The following ZC3H12B variants were observed in gnomAD, a reference collection of about 807,000 sequenced individuals.
ZC3H12B encodes the protein probable ribonuclease ZC3H12B.
In ZC3H12B, 7 loss-of-function variants were observed where a neutral mutation model predicts 43.9. The ratio of observed to expected loss-of-function variants is 0.16; its 90% CI spans 0.09 to 0.30. The LOEUF (loss-of-function observed/expected upper bound fraction) is 0.30. ZC3H12B is among the 10% of genes least tolerant of loss of function. The pLI is 1.00. For synonymous variants in ZC3H12B, 222 were observed against 241.7 expected, an observed-to-expected ratio of 0.92 and a Z score of 0.76; for missense variants, 475 against 670.2, an observed-to-expected ratio of 0.71 and a Z score of 3.22.
the ZC3H12B span, among the ~76,000 whole-genome samples, chrX:65,266,498 C>T: frequency 1.8e-5 from 2 of 111,954 alleles, no homozygotes; most frequent in Non-Finnish European, 3.8e-5. Context: ...CCATCAGAAT[C>T]AACTTTTGCA....
chrX:65,285,156 T>C, the ZC3H12B span, among the ~76,000 whole-genome samples: 2 of 110,252 alleles, frequency 1.8e-5, no homozygotes, highest in Non-Finnish European at 3.8e-5. Flanking sequence ...GGGAGACAGG[T>C]GGTGTTTGGT....
chrX:65,057,620 A>G, the ZC3H12B span, among the ~76,000 whole-genome samples: 1 of 111,209 alleles, frequency 9.0e-6, no homozygotes, highest in African/African-American at 3.3e-5. Context: ...CTGAATTTGA[A>G]TGTTGGCCTG....
At chrX:65,378,003 G>A (rs1330264012) in intron 2 of ZC3H12B, among the ~76,000 whole-genome samples, 1 of 110,745 alleles carries the variant, frequency 9.0e-6, no homozygotes, top group Non-Finnish European at 1.9e-5. Context: ...GGAGACTGAG[G>A]CAGGAGAATG....
At chrX:65,231,864 A>G in the ZC3H12B span, among the ~76,000 whole-genome samples, 2 of 111,753 alleles carry the variant, frequency 1.8e-5, no homozygotes, top group South Asian at 7.5e-4. Flanking sequence ...AAAAATTTGT[A>G]CAGTTAACGC....
chrX:65,217,888 A>G, the ZC3H12B span, among the ~76,000 whole-genome samples: 1 of 111,812 alleles, frequency 8.9e-6, no homozygotes, highest in African/African-American at 3.3e-5. Flanking sequence ...ACTTTATTCA[A>G]ATAAATAATA....
the ZC3H12B span, among the ~76,000 whole-genome samples, chrX:65,308,040 G>A: frequency 1.1e-4 from 12 of 111,074 alleles, no homozygotes; most frequent in Non-Finnish European, 1.9e-5. Flanking sequence ...TCAAACAAAC[G>A]CTGTGGAAAT....
intron 3 of ZC3H12B, among the ~76,000 whole-genome samples, chrX:65,455,716 G>A (rs989037537): frequency 9.0e-6 from 1 of 111,587 alleles, no homozygotes; most frequent in Non-Finnish European, 1.9e-5. Flanking sequence ...AATATTAAGG[G>A]CAGCCAGAGA....
the ZC3H12B span, among the ~76,000 whole-genome samples, chrX:65,212,741 A>G: frequency 1.0e-5 from 1 of 95,358 alleles, no homozygotes; most frequent in African/African-American, 3.8e-5. Context: ...AAATATATAT[A>G]TATGTTTCTC....
At chrX:65,451,372 A>T (rs2148150269) in intron 3 of ZC3H12B, among the ~76,000 whole-genome samples, 1 of 111,259 alleles carries the variant, frequency 9.0e-6, no homozygotes, top group South Asian at 3.7e-4. Flanking sequence ...CTTTTAAGTG[A>T]TTGCTTTGAA....
At chrX:65,410,435 A>C (rs1409617644) in intron 3 of ZC3H12B, among the ~76,000 whole-genome samples, 1 of 111,965 alleles carries the variant, frequency 8.9e-6, no homozygotes, top group Non-Finnish European at 1.9e-5. Flanking sequence ...TCCCTTAAGC[A>C]CAGGCAACCA....
chrX:65,330,456 T>A, the ZC3H12B span, among the ~76,000 whole-genome samples: 1 of 111,286 alleles, frequency 9.0e-6, no homozygotes, highest in African/African-American at 3.3e-5. Flanking sequence ...ATAGGAGTGG[T>A]GAGAGAGTGC....
the ZC3H12B span, among the ~76,000 whole-genome samples, chrX:65,129,027 T>C: frequency 9.0e-6 from 1 of 111,017 alleles, no homozygotes; most frequent in African/African-American, 3.3e-5. Flanking sequence ...GTATTTATTT[T>C]ATTTCCATTT....
the ZC3H12B span, among the ~76,000 whole-genome samples, chrX:65,183,733 T>C: frequency 9.0e-6 from 1 of 111,615 alleles, no homozygotes; most frequent in Non-Finnish European, 1.9e-5. Context: ...TCTTCCCAAA[T>C]AGAATATGTA....
the ZC3H12B span, among the ~76,000 whole-genome samples, chrX:65,294,214 CA>C: frequency 9.0e-6 from 1 of 111,489 alleles, no homozygotes; most frequent in Admixed American, 9.6e-5. Context: ...CATCTTTAAA[CA>C]AGAAAATTAT....
intron 1 of ZC3H12B, among the ~76,000 whole-genome samples, chrX:65,490,526 A>C (rs957398403): frequency 9.0e-6 from 1 of 111,536 alleles, no homozygotes; most frequent in Non-Finnish European, 1.9e-5. Context: ...AACTTGTAAG[A>C]GAATAAATTG....
the ZC3H12B span, among the ~76,000 whole-genome samples, chrX:65,263,368 T>C: frequency 9.0e-6 from 1 of 110,830 alleles, no homozygotes; most frequent in African/African-American, 3.3e-5. Context: ...AAATGTCTCG[T>C]AGAGAAATTA....
At chrX:65,120,405 A>G in the ZC3H12B span, among the ~76,000 whole-genome samples, 1 of 111,312 alleles carries the variant, frequency 9.0e-6, no homozygotes, top group African/African-American at 3.3e-5. Flanking sequence ...TTCTCTTTGA[A>G]GCAATTGTGA....
chrX:65,451,877 A>C (rs2067518977), intron 3 of ZC3H12B, among the ~76,000 whole-genome samples: 1 of 111,749 alleles, frequency 8.9e-6, no homozygotes, highest in African/African-American at 3.3e-5. Flanking sequence ...GTTTCACTGG[A>C]GTACTGTAGG....
the ZC3H12B span, among the ~76,000 whole-genome samples, chrX:65,153,575 A>T: frequency 8.9e-6 from 1 of 111,910 alleles, no homozygotes; most frequent in Non-Finnish European, 1.9e-5. Flanking sequence ...AAAAGTCAGG[A>T]AACAACAGGT....
Sources: gnomAD v4.1 joint callset for allele counts (sites outside exome capture counted in the v4.1 genomes callset) on GRCh38, gnomAD v4.1.1 for gene constraint, MANE v1.5 for transcripts, NCBI Gene and HGNC (gene_info 2026-07-23, HGNC 2026-07-21) for gene names.